Variants in NEGR1 observed in about 807,000 individuals in gnomAD.
NEGR1 encodes the protein neuronal growth regulator 1, also known as IgLON family member 4.
In NEGR1, 10 loss-of-function variants were observed where a neutral mutation model predicts 40.9. The observed-to-expected ratio is 0.24, with a 90% CI of 0.15 to 0.42. The LOEUF (loss-of-function observed/expected upper bound fraction) is 0.42. Among genes scored for constraint, NEGR1 ranks in the 10% least tolerant of loss-of-function variants. The pLI is 1.00. For missense variants in NEGR1, 352 were observed against 438.9 expected, an observed-to-expected ratio of 0.80 and a Z score of 1.77; for synonymous variants, 185 against 166.8, an observed-to-expected ratio of 1.11 and a Z score of -0.84.
At chr1:71,998,071 A>G (rs924268360) in intron 1 of NEGR1, among the ~76,000 whole-genome samples, 1 of 151,966 alleles carries the variant, frequency 6.6e-6, no homozygotes, top group Non-Finnish European at 1.5e-5. Context: ...AGGAGTTGTA[A>G]TTGTGGTTGG....
chr1:72,234,237 T>A (rs1391303113), intron 1 of NEGR1, among the ~76,000 whole-genome samples: 4 of 152,126 alleles, frequency 2.6e-5, no homozygotes, highest in African/African-American at 9.7e-5. Context: ...CATGGGGTAT[T>A]TGGTTTTCTG....
At chr1:71,564,109 CTG>C (rs1339632889) in intron 6 of NEGR1, among the ~76,000 whole-genome samples, 1 of 152,008 alleles carries the variant, frequency 6.6e-6, no homozygotes, top group African/African-American at 2.4e-5. Context: ...ACCTGCGAGA[CTG>C]TTAGAAATGC....
At chr1:71,902,794 A>C (rs1470118700) in intron 2 of NEGR1, among the ~76,000 whole-genome samples, 4 of 152,150 alleles carry the variant, frequency 2.6e-5, no homozygotes, top group Non-Finnish European at 5.9e-5. Flanking sequence ...ATTTTAGCAA[A>C]TTTATTTGGA....
At chr1:71,502,504 G>A (rs1647006145) in intron 6 of NEGR1, among the ~76,000 whole-genome samples, 1 of 152,108 alleles carries the variant, frequency 6.6e-6, no homozygotes, top group Admixed American at 6.5e-5. Flanking sequence ...TTTGGATTTG[G>A]ATGGGTGAAT....
At chr1:71,804,080 G>T (rs1052244255) in intron 2 of NEGR1, among the ~76,000 whole-genome samples, 1 of 151,830 alleles carries the variant, frequency 6.6e-6, no homozygotes, top group Non-Finnish European at 1.5e-5. Flanking sequence ...ATAAATCAAG[G>T]TTGATAACAG....
At position 71,432,081 on chromosome 1, in the gene NEGR1, A is replaced by G. The variant is rs1646473341; in HGVS notation, c.941-24511T>C. On this transcript the variant is annotated intron_variant, in intron 6 of 6. Transcript: ENST00000357731. ...GTCGTAGATCAAGGGACAAGATCAT[A>G]TAGGTCCCAGAGGGAACTTTGGATT... is the stretch of plus-strand genomic sequence containing the variant. 2.6e-5 allele frequency among the ~76,000 whole-genome samples: 4 copies of G among 152,154 alleles called. No homozygotes were observed. The South Asian group carries it at 8.3e-4, about 31-fold the overall frequency.
intron 3 of NEGR1, among the ~76,000 whole-genome samples, chr1:71,766,431 C>A (rs907108964): frequency 6.6e-6 from 1 of 152,094 alleles, no homozygotes; most frequent in Admixed American, 6.6e-5. Context: ...ATTAAGCATA[C>A]GGAAATTAGA....
intron 1 of NEGR1, among the ~76,000 whole-genome samples, chr1:71,976,302 C>G (rs1339048209): frequency 6.6e-6 from 1 of 152,132 alleles, no homozygotes; most frequent in African/African-American, 2.4e-5. Flanking sequence ...ATCACTGAAG[C>G]AATGCGGATC....
In NEGR1 at chr1:71,944,832, T is replaced by C. The variant is rs565010303; in HGVS notation, c.177-9521A>G. Among the ~76,000 whole-genome samples the C allele has an allele frequency of 1.6e-4, 24 of 152,278 alleles. No individual in the cohort carries two copies. In the East Asian group the frequency reaches 3.5e-3, roughly 22 times the overall value. On this transcript the variant is annotated intron_variant, in intron 1 of 6. Coordinates refer to ENST00000357731, the MANE Select transcript of NEGR1 (RefSeq NM_173808.3). ...TTATGAATAAAAAATGGTTACACAG[T>C]CAACTAATTAAAGCTAGCCTTGCAA...
chr1:72,027,469 A>C (rs1646821908), intron 1 of NEGR1, among the ~76,000 whole-genome samples: 1 of 152,052 alleles, frequency 6.6e-6, no homozygotes, highest in Non-Finnish European at 1.5e-5. Context: ...TCAAAAAAAC[A>C]AAAAAACAAA....
intron 6 of NEGR1, among the ~76,000 whole-genome samples, chr1:71,556,468 T>C (rs928825806): frequency 5.3e-5 from 8 of 151,634 alleles, no homozygotes; most frequent in African/African-American, 1.9e-4. Context: ...TGCTATGGTT[T>C]ACTCAGCAAT....
chr1:72,171,006 C>G (rs1383432374), intron 1 of NEGR1, among the ~76,000 whole-genome samples: 1 of 152,124 alleles, frequency 6.6e-6, no homozygotes, highest in Non-Finnish European at 1.5e-5. Flanking sequence ...TTACAGCAGG[C>G]TATTGGTATT....
intron 1 of NEGR1, among the ~76,000 whole-genome samples, chr1:71,987,892 A>G (rs2100351564): frequency 6.6e-6 from 1 of 152,052 alleles, no homozygotes; most frequent in African/African-American, 2.4e-5. Context: ...ATCAGCTTTG[A>G]CATACGGAAT....
intron 6 of NEGR1, among the ~76,000 whole-genome samples, chr1:71,584,541 C>T (rs535490852): frequency 3.3e-5 from 5 of 152,222 alleles, no homozygotes; most frequent in African/African-American, 1.2e-4. Context: ...GGTCACATTT[C>T]CATTTTCAGA....
intron 1 of NEGR1, among the ~76,000 whole-genome samples, chr1:72,062,570 C>A (rs898631758): frequency 6.6e-6 from 1 of 151,932 alleles, no homozygotes; most frequent in Non-Finnish European, 1.5e-5. Context: ...TTAAAAAGAA[C>A]TTTGAGGACA....
intron 6 of NEGR1, among the ~76,000 whole-genome samples, chr1:71,494,527 A>G (rs1296001814): frequency 2.6e-5 from 4 of 152,126 alleles, no homozygotes; most frequent in Non-Finnish European, 5.9e-5. Flanking sequence ...ATTCCCCTGT[A>G]ATAACCCATG....
intron 6 of NEGR1, among the ~76,000 whole-genome samples, chr1:71,511,428 G>T (rs964788352): frequency 1.3e-5 from 2 of 152,118 alleles, no homozygotes; most frequent in African/African-American, 4.8e-5. Flanking sequence ...ACCAGCATTT[G>T]CTATGAAGTA....
chr1:71,464,812 C>T (rs573862348), intron 6 of NEGR1, among the ~76,000 whole-genome samples: 2 of 152,124 alleles, frequency 1.3e-5, no homozygotes, highest in African/African-American at 2.4e-5. Context: ...TGAACTGCAG[C>T]GTCTTGGTGT....
chr1:71,407,646 C>A (rs954330515), intron 6 of NEGR1, 76 bp from the exon 7 acceptor site: 2 of 1,433,432 alleles, frequency 1.4e-6, no homozygotes, highest in Middle Eastern at 1.8e-4. Context: ...CAAAAGGTAG[C>A]CAGGTGCATC....
Sources: gnomAD v4.1 joint callset for allele counts (sites outside exome capture counted in the v4.1 genomes callset) on GRCh38, gnomAD v4.1.1 for gene constraint, MANE v1.5 for transcripts, NCBI Gene and HGNC (gene_info 2026-07-23, HGNC 2026-07-21) for gene names.